ANK2: variants seen among roughly 807,000 people sequenced by gnomAD.
ANK2 encodes the protein ankyrin-2.
In ANK2, 83 loss-of-function variants were observed where a neutral mutation model predicts 360.5. The ratio of observed to expected loss-of-function variants is 0.23; its 90% CI spans 0.19 to 0.28. ANK2 has a LOEUF of 0.28. ANK2 is among the 10% of genes least tolerant of loss of function. The pLI, the probability that ANK2 is intolerant of heterozygous loss-of-function variation, is 1.00. For missense variants in ANK2, 4,201 were observed against 4,795.7 expected (o/e 0.88, Z 3.66); for synonymous variants, 1,740 against 1,759.5 (o/e 0.99, Z 0.28).
At chr4:112,938,397 G>A (rs1328785898) in intron 2 of ANK2, among the ~76,000 whole-genome samples, 1 of 152,104 alleles carries the variant, frequency 6.6e-6, no homozygotes, top group Non-Finnish European at 1.5e-5. Flanking sequence ...TTCATTCATG[G>A]TGAGGAATCT....
intron 32 of ANK2, among the ~76,000 whole-genome samples, chr4:113,340,205 A>G (rs559284360): frequency 6.6e-6 from 1 of 152,358 alleles, no homozygotes; most frequent in South Asian, 2.1e-4. Flanking sequence ...CAGAGGGACT[A>G]AAAGAATGAG....
intron 9 of ANK2, among the ~76,000 whole-genome samples, chr4:113,244,494 A>G (rs1685079188): frequency 6.6e-6 from 1 of 152,204 alleles, no homozygotes; most frequent in Non-Finnish European, 1.5e-5. Context: ...GTTTAGAGCT[A>G]GCAACTTGGT....
chr4:113,357,104 T>C lies in ANK2; in HGVS notation c.8486T>C (p.Val2829Ala), dbSNP rs750637291. The change falls in exon 38 of 46, where the codon GTT becomes GCT. Residue 2829 changes from valine (V) to alanine (A), a missense_variant. Around this residue, in one of 4 missense-constraint regions of ANK2, gnomAD observed 2,642 missense variants for 2,714.5 expected, o/e 0.97. Transcript: ENST00000357077. ...EKDTEGEELD[V>A]SRAESPQADC... ...GACACAGAGGGAGAAGAGCTTGATGTTTCTAGAGCAGAATCTCCACAAGCA... is the reference window on the plus strand; with the variant it reads ...GACACAGAGGGAGAAGAGCTTGATGCTTCTAGAGCAGAATCTCCACAAGCA... 6.2e-7 allele frequency: 1 copy of C among 1,614,064 alleles called. No individual in the cohort carries two copies. The highest frequency in any genetic ancestry group is 8.5e-7 in the Non-Finnish European group (1 of 1,179,974).
intron 45 of ANK2, among the ~76,000 whole-genome samples, chr4:113,374,157 C>G (rs950817967): frequency 6.6e-6 from 1 of 152,194 alleles, no homozygotes; most frequent in Non-Finnish European, 1.5e-5. Flanking sequence ...CTCCTGACCT[C>G]AAATGATCCA....
chr4:112,944,099 G>T (rs907784588), intron 2 of ANK2, among the ~76,000 whole-genome samples: 1 of 152,198 alleles, frequency 6.6e-6, no homozygotes, highest in South Asian at 2.1e-4. Context: ...ATGTATAAAG[G>T]TTATCCACAT....
At chr4:113,113,876 A>G (rs571043708) in intron 1 of ANK2, among the ~76,000 whole-genome samples, 1 of 152,306 alleles carries the variant, frequency 6.6e-6, no homozygotes, top group African/African-American at 2.4e-5. Context: ...CAAGTATACA[A>G]GAAGGAAAGA....
chr4:113,179,714 C>T (rs1400724073), intron 2 of ANK2, among the ~76,000 whole-genome samples: 1 of 152,164 alleles, frequency 6.6e-6, no homozygotes, highest in African/African-American at 2.4e-5. Context: ...CTTACCTATT[C>T]CCTATTTAGT....
intron 1 of ANK2, among the ~76,000 whole-genome samples, chr4:112,899,197 A>G (rs1481045200): frequency 6.6e-6 from 1 of 152,222 alleles, no homozygotes; most frequent in African/African-American, 2.4e-5. Context: ...TAATAATGAA[A>G]GTTAGGAAAG....
chr4:113,006,923 G>A (rs187329043), intron 2 of ANK2, among the ~76,000 whole-genome samples: 274 of 152,052 alleles, frequency 1.8e-3, no homozygotes, highest in Non-Finnish European at 2.9e-3. Flanking sequence ...TGAAAATTTT[G>A]TACTTTAAAA....
Position 113,353,304 on chromosome 4 carries a change from G to A in ANK2, c.4686G>A (p.Val1562=). 3 of 1,613,808 alleles carry A rather than the reference G, an allele frequency of 1.9e-6. No individual in the cohort carries two copies. Among genetic ancestry groups the A allele is most frequent in the Non-Finnish European group, 2.5e-6 (3 of 1,179,868 alleles). The change falls in exon 38 of 46, where the codon GTG becomes GTA. Residue 1562 remains valine (V), a synonymous_variant. Transcript: ENST00000357077. ...VERVKEDLEK[V]NEILRSGTCT... ...GAGTTAAAGAGGACTTAGAGAAAGT[G>A]AATGAAATCCTGAGAAGTGGAACCT...
intron 45 of ANK2, among the ~76,000 whole-genome samples, chr4:113,376,842 G>A (rs2096960242): frequency 8.8e-6 from 1 of 113,448 alleles, no homozygotes; most frequent in African/African-American, 3.3e-5. Flanking sequence ...AAAGGCCTAA[G>A]CATGTACATT....
chr4:113,025,819 G>C (rs116822737), intron 2 of ANK2, among the ~76,000 whole-genome samples: 1 of 152,104 alleles, frequency 6.6e-6, no homozygotes, highest in Non-Finnish European at 1.5e-5. Context: ...GAGATGTAGA[G>C]GTATGGGTAG....
At chr4:113,013,457 A>G (rs1035723281) in intron 2 of ANK2, among the ~76,000 whole-genome samples, 6 of 152,206 alleles carry the variant, frequency 3.9e-5, no homozygotes, top group Non-Finnish European at 7.3e-5. Context: ...TGTCTTTCTC[A>G]AAATGATAAT....
chr4:113,171,977 G>A (rs927686909), intron 1 of ANK2, among the ~76,000 whole-genome samples: 2 of 152,136 alleles, frequency 1.3e-5, no homozygotes, highest in Non-Finnish European at 2.9e-5. Flanking sequence ...CCTGTTCACA[G>A]CATTCTTTTT....
intron 41 of ANK2, 32 bp downstream of exon 41, chr4:113,365,214 T>C (rs1385217177): frequency 2.5e-6 from 4 of 1,598,484 alleles, no homozygotes; most frequent in Middle Eastern, 3.3e-4. Context: ...TGTGTGTGTG[T>C]GTGTGTGTGT....
chr4:113,029,391 C>T (rs967104276), intron 2 of ANK2, among the ~76,000 whole-genome samples: 1 of 152,022 alleles, frequency 6.6e-6, no homozygotes, highest in Non-Finnish European at 1.5e-5. Context: ...CACACAACTT[C>T]ACCCAGCTAA....
At chr4:112,981,492 G>A (rs938526782) in intron 2 of ANK2, among the ~76,000 whole-genome samples, 4 of 152,294 alleles carry the variant, frequency 2.6e-5, no homozygotes, top group African/African-American at 9.6e-5. Context: ...ACCTTGCAGA[G>A]GTGGAACCAT....
chr4:113,274,330 A>T (rs954249312), intron 14 of ANK2, 122 bp from the exon 15 acceptor site: 1 of 1,106,482 alleles, frequency 9.0e-7, no homozygotes, highest in Non-Finnish European at 1.4e-6. Flanking sequence ...AGCAGTAATG[A>T]TTTTCTTTTG....
chr4:113,049,847 A>G, intron 1 of ANK2, 35 bp downstream of exon 1: 1 of 1,608,910 alleles, frequency 6.2e-7, no homozygotes, highest in Admixed American at 1.7e-5. Context: ...CTGTGTATAA[A>G]TATGTATGTG....
Sources: allele counts gnomAD v4.1 joint callset (sites outside exome capture counted in the v4.1 genomes callset), GRCh38; gene constraint gnomAD v4.1.1; regional missense constraint gnomAD v4.1.1; transcripts MANE v1.5; gene names NCBI Gene and HGNC (gene_info 2026-07-23, HGNC 2026-07-21).